The following ROBO1 variants were observed in gnomAD, a reference collection of about 807,000 sequenced individuals.
ROBO1 encodes the protein roundabout homolog 1.
Under a neutral mutation model 195.9 loss-of-function variants are expected in ROBO1, and 149 were observed. The observed-to-expected ratio is 0.76, with a 90% CI of 0.67 to 0.87. The LOEUF is 0.87. ROBO1 is among the 40% of genes least tolerant of loss of function. The pLI, the probability that ROBO1 is intolerant of heterozygous loss-of-function variation, is 0.00. For synonymous variants in ROBO1, 816 were observed against 733.2 expected (o/e 1.11, Z -1.82); for missense variants, 1,933 against 2,068.3 (o/e 0.93, Z 1.27).
rs370402643 is a variant in ROBO1 at position 79,364,381 on chromosome 3, TTGA to T, written c.88+225440_88+225442del. The stretch of plus-strand genomic sequence containing the variant: ...TCTATTATATATTGTGTTTCAATGA[TTGA>T]TGATAATTTTGATTTCATCATTTGA... On this transcript the variant is annotated intron_variant, in intron 2 of 30. Transcript: ENST00000464233. Among the ~76,000 whole-genome samples, 764 of 151,912 alleles carry T rather than the reference TTGA, an allele frequency of 5.0e-3. 8 individuals are homozygous for T. The highest frequency in any genetic ancestry group is 0.016 in the African/African-American group (658 of 41,452).
chr3:78,662,839 G>C (rs1296835922), intron 14 of ROBO1, among the ~76,000 whole-genome samples: 1 of 152,034 alleles, frequency 6.6e-6, no homozygotes, highest in Non-Finnish European at 1.5e-5. Flanking sequence ...TTTCAGGAAG[G>C]AAACTAAGAA....
At chr3:79,414,179 C>T (rs180882055) in intron 2 of ROBO1, among the ~76,000 whole-genome samples, 6 of 151,384 alleles carry the variant, frequency 4.0e-5, no homozygotes, top group African/African-American at 1.5e-4. Flanking sequence ...ATTATATTAA[C>T]AGTCTCTCTC....
intron 3 of ROBO1, among the ~76,000 whole-genome samples, chr3:78,958,195 C>T (rs72906180): frequency 0.022 from 3,290 of 152,218 alleles, 113 homozygotes; most frequent in African/African-American, 0.07. Flanking sequence ...GAGCAAGGTT[C>T]AAAATATGGA....
chr3:79,762,561 G>A (rs943925467), intron 1 of ROBO1, among the ~76,000 whole-genome samples: 6 of 149,558 alleles, frequency 4.0e-5, no homozygotes, highest in Non-Finnish European at 5.9e-5. Context: ...TTCAAACATC[G>A]CTAAAAAAAT....
At chr3:79,141,567 G>GT (rs11315738) in intron 2 of ROBO1, among the ~76,000 whole-genome samples, 32,496 of 139,220 alleles carry the variant, frequency 0.23, 4,460 homozygotes, top group South Asian at 0.33. Flanking sequence ...TGCTGTTGTT[G>GT]TTTTTTTTTT....
intron 2 of ROBO1, among the ~76,000 whole-genome samples, chr3:79,206,391 C>T (rs1278841075): frequency 6.6e-6 from 1 of 152,146 alleles, no homozygotes; most frequent in Non-Finnish European, 1.5e-5. Context: ...TACAGTGTTT[C>T]TTTGAAGCGA....
At chr3:78,673,797 AACAGAATATACAC>A (rs887348523) in intron 10 of ROBO1, among the ~76,000 whole-genome samples, 5 of 151,388 alleles carry the variant, frequency 3.3e-5, no homozygotes, top group Non-Finnish European at 7.4e-5. Flanking sequence ...AGAGAAAAAG[AACAGAATATACAC>A]ACATTGATTA....
chr3:79,644,387 A>C (rs1361537645), intron 1 of ROBO1, among the ~76,000 whole-genome samples: 1 of 152,180 alleles, frequency 6.6e-6, no homozygotes, highest in African/African-American at 2.4e-5. Context: ...CATACCTGAG[A>C]CTGGGCAAGT....
chr3:78,836,799 A>G (rs1267756578), intron 4 of ROBO1, among the ~76,000 whole-genome samples: 2 of 152,182 alleles, frequency 1.3e-5, no homozygotes, highest in East Asian at 1.9e-4. Context: ...TGTAAGAATG[A>G]AAACAGAAAC....
Position 78,611,487 on chromosome 3 carries a change from G to GT in ROBO1, c.4435+3160dup, listed in dbSNP as rs568725138. 1.7e-3 allele frequency among the ~76,000 whole-genome samples: 258 copies of GT among 152,282 alleles called. 2 individuals carry two copies. Among genetic ancestry groups the GT allele is most frequent in the African/African-American group, 5.9e-3 (245 of 41,566 alleles). On this transcript the variant is annotated intron_variant, in intron 28 of 30. Coordinates refer to ENST00000464233, the MANE Select transcript of ROBO1 (RefSeq NM_002941.4). Reference sequence around the variant, plus strand: ...CCTACCCTTTATCTGGGTTCAACTTGTAAGAGGCAAATATGGAATAAATAA... The same window carrying GT: ...CCTACCCTTTATCTGGGTTCAACTTGTTAAGAGGCAAATATGGAATAAATAA...
At chr3:79,649,346 ATT>A (rs1560068836) in intron 1 of ROBO1, among the ~76,000 whole-genome samples, 2 of 152,070 alleles carry the variant, frequency 1.3e-5, no homozygotes, top group Non-Finnish European at 1.5e-5. Flanking sequence ...CTCCATATAC[ATT>A]TGTTTATATA....
chr3:79,547,371 C>T (rs547943051), intron 2 of ROBO1, among the ~76,000 whole-genome samples: 5 of 151,680 alleles, frequency 3.3e-5, no homozygotes, highest in South Asian at 4.2e-4. Flanking sequence ...TTTATATGAA[C>T]GTGAGGAGGA....
intron 2 of ROBO1, among the ~76,000 whole-genome samples, chr3:79,164,807 T>G (rs1184280687): frequency 6.6e-6 from 1 of 152,166 alleles, no homozygotes; most frequent in African/African-American, 2.4e-5. Flanking sequence ...GCCTAATGGT[T>G]TCTTGCTGTT....
intron 2 of ROBO1, among the ~76,000 whole-genome samples, chr3:79,332,309 C>T (rs1409109079): frequency 1.3e-5 from 2 of 151,708 alleles, no homozygotes; most frequent in Non-Finnish European, 2.9e-5. Context: ...CTAAGATGTG[C>T]ATTTATAACA....
intron 2 of ROBO1, among the ~76,000 whole-genome samples, chr3:79,378,085 G>C (rs1295138482): frequency 1.3e-5 from 2 of 151,618 alleles, no homozygotes; most frequent in African/African-American, 4.9e-5. Flanking sequence ...TTTTATTACA[G>C]AGAAAGCAAA....
At chr3:78,923,627 G>T (rs1252871980) in intron 4 of ROBO1, among the ~76,000 whole-genome samples, 2 of 152,126 alleles carry the variant, frequency 1.3e-5, no homozygotes, top group Non-Finnish European at 2.9e-5. Flanking sequence ...GAAGAAGTGA[G>T]AAACTTCTCA....
At chr3:79,544,388 A>T (rs1426107165) in intron 2 of ROBO1, among the ~76,000 whole-genome samples, 1 of 151,934 alleles carries the variant, frequency 6.6e-6, no homozygotes, top group Non-Finnish European at 1.5e-5. Context: ...TTAATATATC[A>T]GCCACAGTTT....
chr3:79,438,298 C>T (rs974051954), intron 2 of ROBO1, among the ~76,000 whole-genome samples: 2 of 151,820 alleles, frequency 1.3e-5, no homozygotes, highest in African/African-American at 4.8e-5. Flanking sequence ...TTGATACTGC[C>T]AACCAAAATG....
At chr3:79,146,352 C>T (rs979623946) in intron 2 of ROBO1, among the ~76,000 whole-genome samples, 11 of 151,654 alleles carry the variant, frequency 7.3e-5, no homozygotes, top group African/African-American at 2.7e-4. Flanking sequence ...AGAAATGGTC[C>T]GTAAAAATAG....
Sources: gnomAD v4.1 joint callset for allele counts (sites outside exome capture counted in the v4.1 genomes callset) on GRCh38, gnomAD v4.1.1 for gene constraint, MANE v1.5 for transcripts, NCBI Gene and HGNC (gene_info 2026-07-23, HGNC 2026-07-21) for gene names.